ERBB4: variants seen among roughly 807,000 people sequenced by gnomAD.
The protein encoded by ERBB4 is erb-b2 receptor tyrosine kinase 4.
ERBB4 carries 42 observed loss-of-function variants against 158.0 expected under a neutral mutation model. That is an observed-to-expected ratio of 0.27 (90% confidence interval 0.21 to 0.34). The LOEUF is 0.34. Among genes scored for constraint, ERBB4 ranks in the 10% least tolerant of loss-of-function variants. ERBB4 has a pLI of 1.00. For synonymous variants in ERBB4, 583 were observed against 558.7 expected (o/e 1.04, Z -0.61); for missense variants, 1,333 against 1,624.1 (o/e 0.82, Z 3.08).
At chr2:212,158,722 C>A (rs1396340442) in intron 1 of ERBB4, among the ~76,000 whole-genome samples, 2 of 151,918 alleles carry the variant, frequency 1.3e-5, no homozygotes, top group African/African-American at 4.8e-5. Context: ...CGAGCTAGCC[C>A]AAGTCCACAA....
chr2:211,655,564 C>G (rs2071180512), intron 16 of ERBB4, among the ~76,000 whole-genome samples: 1 of 152,206 alleles, frequency 6.6e-6, no homozygotes, highest in Non-Finnish European at 1.5e-5. Flanking sequence ...AGACGGAACA[C>G]TTAACCACTG....
At chr2:212,521,737 T>C (rs944455363) in intron 1 of ERBB4, among the ~76,000 whole-genome samples, 1 of 151,980 alleles carries the variant, frequency 6.6e-6, no homozygotes, top group Non-Finnish European at 1.5e-5. Flanking sequence ...TGATTGAAGC[T>C]TAAAAAGATT....
At position 211,420,498 on chromosome 2, in the gene ERBB4, C is replaced by T. The variant is rs1036650692; in HGVS notation, c.3078G>A (p.Gln1026=). ...AGATGGGAGGTGGGATGTTGAAAGC[C>T]TGAGGGACCAAGTACTCCTCAGCAT... The part of the protein sequence containing the change: ...MMDAEEYLVP[Q]AFNIPPPIYT... Residue 1026 remains glutamine, a synonymous_variant, in exon 25 of 28, where the codon CAG becomes CAA. Coordinates refer to ENST00000342788, the MANE Select transcript of ERBB4 (RefSeq NM_005235.3). The T allele has an allele frequency of 1.2e-6, 2 of 1,612,646 alleles. No individual in the cohort carries two copies. The highest frequency in any genetic ancestry group is 1.7e-5 in the Admixed American group (1 of 59,802).
chr2:211,585,768 T>C (rs1156905999), intron 19 of ERBB4, among the ~76,000 whole-genome samples: 1 of 152,142 alleles, frequency 6.6e-6, no homozygotes, highest in Non-Finnish European at 1.5e-5. Flanking sequence ...GTACCTATTA[T>C]TCAGGTGCAG....
intron 3 of ERBB4, among the ~76,000 whole-genome samples, chr2:211,919,605 G>A (rs1288003983): frequency 2.0e-5 from 3 of 152,026 alleles, no homozygotes; most frequent in Non-Finnish European, 4.4e-5. Flanking sequence ...TCATGAAATG[G>A]AACAGTTTAA....
intron 11 of ERBB4, among the ~76,000 whole-genome samples, chr2:211,703,638 A>G (rs999689873): frequency 6.6e-6 from 1 of 152,076 alleles, no homozygotes; most frequent in Non-Finnish European, 1.5e-5. Flanking sequence ...TTGTCCATTT[A>G]TTAACCAGCA....
chr2:211,512,749 A>G (rs559690253), intron 20 of ERBB4, among the ~76,000 whole-genome samples: 3 of 152,224 alleles, frequency 2.0e-5, no homozygotes, highest in African/African-American at 7.2e-5. Flanking sequence ...GGTAAGAACA[A>G]TCCCAGCAGG....
At chr2:211,723,644 G>A (rs1411097001) in intron 6 of ERBB4, among the ~76,000 whole-genome samples, 1 of 151,650 alleles carries the variant, frequency 6.6e-6, no homozygotes, top group Non-Finnish European at 1.5e-5. Flanking sequence ...CACATTCTAG[G>A]AAGAATCTAT....
At chr2:211,774,492 T>G (rs1007716725) in intron 4 of ERBB4, among the ~76,000 whole-genome samples, 1 of 152,170 alleles carries the variant, frequency 6.6e-6, no homozygotes, top group Non-Finnish European at 1.5e-5. Flanking sequence ...TATATCCGCC[T>G]CTTCACGGAT....
chr2:212,458,735 T>C (rs752322197), intron 1 of ERBB4, among the ~76,000 whole-genome samples: 189 of 152,112 alleles, frequency 1.2e-3, no homozygotes, highest in Non-Finnish European at 2.0e-3. Flanking sequence ...GAAACTACTG[T>C]GGGCAACAAA....
intron 1 of ERBB4, among the ~76,000 whole-genome samples, chr2:212,242,312 C>T (rs1205106682): frequency 6.6e-6 from 1 of 151,812 alleles, no homozygotes; most frequent in Non-Finnish European, 1.5e-5. Context: ...TTTAAAATAT[C>T]TTAGTAACAT....
intron 18 of ERBB4, 147 bp from the exon 19 acceptor site, chr2:211,619,422 T>C: frequency 1.6e-6 from 1 of 629,964 alleles, no homozygotes; most frequent in South Asian, 1.9e-5. Flanking sequence ...GCAACTTTGT[T>C]GTCTGCTTTC....
At chr2:211,722,598 T>A in intron 6 of ERBB4, 64 bp from the exon 7 acceptor site, 1 of 1,484,002 alleles carries the variant, frequency 6.7e-7, no homozygotes, top group Non-Finnish European at 9.4e-7. Flanking sequence ...AATGAAACGC[T>A]GCCAAAACAG....
intron 1 of ERBB4, among the ~76,000 whole-genome samples, chr2:212,390,614 A>C (rs2090826816): frequency 6.6e-6 from 1 of 151,886 alleles, no homozygotes; most frequent in Non-Finnish European, 1.5e-5. Flanking sequence ...GGATTACAAA[A>C]TGTAATTCAC....
intron 4 of ERBB4, among the ~76,000 whole-genome samples, chr2:211,775,789 T>C (rs1484834984): frequency 6.6e-6 from 1 of 152,214 alleles, no homozygotes; most frequent in Non-Finnish European, 1.5e-5. Context: ...AGCCCTCAGA[T>C]TTCACAAAGG....
At chr2:211,410,933 A>G (rs1484381819) in intron 25 of ERBB4, among the ~76,000 whole-genome samples, 3 of 152,232 alleles carry the variant, frequency 2.0e-5, no homozygotes, top group Non-Finnish European at 4.4e-5. Context: ...ATTTTGAGAC[A>G]GAGTCTAGCT....
At chr2:212,167,851 A>C (rs1224347925) in intron 1 of ERBB4, among the ~76,000 whole-genome samples, 2 of 152,122 alleles carry the variant, frequency 1.3e-5, no homozygotes, top group South Asian at 2.1e-4. Context: ...AGAAAACCAA[A>C]CACCACATGT....
intron 2 of ERBB4, among the ~76,000 whole-genome samples, chr2:212,047,463 TTTTATTTATTTA>T (rs561340076): frequency 6.6e-6 from 1 of 151,670 alleles, no homozygotes; most frequent in East Asian, 1.9e-4. Flanking sequence ...TTCATATTAA[TTTTATTTATTTA>T]TTTATTTATT....
intron 1 of ERBB4, among the ~76,000 whole-genome samples, chr2:212,158,583 T>G (rs2081112340): frequency 6.6e-6 from 1 of 152,178 alleles, no homozygotes; most frequent in African/African-American, 2.4e-5. Context: ...GACCTCATTA[T>G]ATTTTGTACC....
Sources: gnomAD v4.1 joint callset for allele counts (sites outside exome capture counted in the v4.1 genomes callset) on GRCh38, gnomAD v4.1.1 for gene constraint, MANE v1.5 for transcripts, NCBI Gene and HGNC (gene_info 2026-07-23, HGNC 2026-07-21) for gene names.